LEPR: variants seen among roughly 807,000 people sequenced by gnomAD.
LEPR encodes the protein OB receptor.
In LEPR, 56 loss-of-function variants were observed where a neutral mutation model predicts 114.7. The ratio of observed to expected loss-of-function variants is 0.49; its 90% CI spans 0.39 to 0.61. LEPR has a LOEUF of 0.61. Among genes scored for constraint, LEPR ranks in the 20% least tolerant of loss-of-function variants. The pLI, the probability that LEPR is intolerant of heterozygous loss-of-function variation, is 0.00. For missense variants in LEPR, 1,202 were observed against 1,352.9 expected (o/e 0.89, Z 1.75); for synonymous variants, 443 against 461.4 (o/e 0.96, Z 0.51).
intron 2 of LEPR, chr1:65,525,524 G>T (rs1160172103): frequency 4.5e-6 from 3 of 660,130 alleles, no homozygotes; most frequent in Admixed American, 6.3e-5. Context: ...CGCCCTAGCC[G>T]CTCGAGTCCG....
intron 2 of LEPR, among the ~76,000 whole-genome samples, chr1:65,490,587 T>C (rs1400972037): frequency 6.6e-6 from 1 of 152,182 alleles, no homozygotes; most frequent in Non-Finnish European, 1.5e-5. Flanking sequence ...ATCTGGGCTG[T>C]TGTAAGAATG....
chr1:65,439,330 A>G (rs577092103), intron 2 of LEPR, among the ~76,000 whole-genome samples: 124 of 152,322 alleles, frequency 8.1e-4, no homozygotes, highest in Middle Eastern at 3.4e-3. Flanking sequence ...GAGAAAGGAC[A>G]CCCATATAAA....
chr1:65,439,840 A>AG (rs1242553479), intron 2 of LEPR, among the ~76,000 whole-genome samples: 1 of 149,854 alleles, frequency 6.7e-6, no homozygotes, highest in Non-Finnish European at 1.5e-5. Context: ...AAAAAAAAAA[A>AG]AAAAAAAAGC....
Position 65,618,142 on chromosome 1 carries a change from C to T in LEPR, c.2391C>T (p.Ile797=), listed in dbSNP as rs919896882. 3 of 1,603,902 alleles carry T rather than the reference C, an allele frequency of 1.9e-6. No individual in the cohort carries two copies. In the African/African-American group the frequency reaches 4.0e-5, roughly 21 times the overall value. Residue 797 remains isoleucine (I), a synonymous_variant, in exon 16 of 20, where the codon ATC becomes ATT. Transcript: ENST00000349533. ...RISSSVKKYY[I]HDHFIPIEKY... Reference sequence around the variant, plus strand: ...CTTCATCTGTTAAGAAGTATTATATCCATGGTAAGTTTACTATACTTTAGT... The same window carrying T: ...CTTCATCTGTTAAGAAGTATTATATTCATGGTAAGTTTACTATACTTTAGT...
chr1:65,598,841 A>T (rs747564698), intron 8 of LEPR, 37 bp downstream of exon 8: 1 of 1,612,432 alleles, frequency 6.2e-7, no homozygotes, highest in Non-Finnish European at 8.5e-7. Flanking sequence ...TGGGAGGGAA[A>T]TATATTTCCT....
At chr1:65,629,952 A>T (rs528723164) in intron 19 of LEPR, among the ~76,000 whole-genome samples, 1 of 152,128 alleles carries the variant, frequency 6.6e-6, no homozygotes, top group East Asian at 1.9e-4. Context: ...CATCTTTCTT[A>T]ACTACACCCT....
At chr1:65,424,456 A>G (rs751650921) in intron 1 of LEPR, among the ~76,000 whole-genome samples, 2 of 152,214 alleles carry the variant, frequency 1.3e-5, no homozygotes, top group Non-Finnish European at 2.9e-5. Context: ...ATGTGGACCA[A>G]CTGGCTGCCC....
At chr1:65,488,935 G>T (rs1369258838) in intron 2 of LEPR, among the ~76,000 whole-genome samples, 2 of 152,056 alleles carry the variant, frequency 1.3e-5, no homozygotes, top group African/African-American at 4.8e-5. Flanking sequence ...CTATGTTGTT[G>T]CAAATGACAG....
chr1:65,606,543 T>C lies in LEPR; in HGVS notation c.1603+1306T>C, dbSNP rs567013646. 5.2e-4 allele frequency among the ~76,000 whole-genome samples: 79 copies of C among 152,296 alleles called. 2 individuals are homozygous for C. In the South Asian group the frequency reaches 8.7e-3, roughly 17 times the overall value. ...ACACAGGCACTATGTGTCTGTTTTG[T>C]CATCCATAAAATGTAGACAGCTCCT... On this transcript the variant is annotated intron_variant, in intron 11 of 19. Coordinates refer to ENST00000349533, the MANE Select transcript of LEPR (RefSeq NM_002303.6).
intron 2 of LEPR, among the ~76,000 whole-genome samples, chr1:65,509,382 C>T (rs1009455137): frequency 7.2e-5 from 11 of 152,120 alleles, no homozygotes; most frequent in East Asian, 1.9e-4. Context: ...ATTTGTTGAG[C>T]GTTTTTATCA....
chr1:65,535,582 C>T (rs1002610315), intron 2 of LEPR, among the ~76,000 whole-genome samples: 2 of 151,926 alleles, frequency 1.3e-5, no homozygotes, highest in African/African-American at 2.4e-5. Flanking sequence ...AACTCCTGAA[C>T]TCAAGTGATC....
chr1:65,539,829 G>A (rs1379853294), intron 2 of LEPR, among the ~76,000 whole-genome samples: 1 of 152,140 alleles, frequency 6.6e-6, no homozygotes, highest in Non-Finnish European at 1.5e-5. Flanking sequence ...GAGGTAGTAG[G>A]CATTGAGGTT....
At chr1:65,549,809 A>C (rs1451769610) in intron 2 of LEPR, among the ~76,000 whole-genome samples, 1 of 151,960 alleles carries the variant, frequency 6.6e-6, no homozygotes, top group Non-Finnish European at 1.5e-5. Flanking sequence ...TTCTTCTCTC[A>C]CCTCGTCAAA....
chr1:65,549,150 G>C (rs1557655301), intron 2 of LEPR, among the ~76,000 whole-genome samples: 1 of 151,436 alleles, frequency 6.6e-6, no homozygotes, highest in African/African-American at 2.5e-5. Context: ...ACTCTCTTCT[G>C]GCTTGTAGAG....
intron 2 of LEPR, among the ~76,000 whole-genome samples, chr1:65,541,087 T>A (rs577019767): frequency 1.6e-4 from 25 of 152,230 alleles, no homozygotes; most frequent in Admixed American, 9.2e-4. Context: ...GGTTCCAGAG[T>A]GCTGGGATTA....
At chr1:65,454,296 T>C (rs1646834978) in intron 2 of LEPR, among the ~76,000 whole-genome samples, 1 of 152,158 alleles carries the variant, frequency 6.6e-6, no homozygotes, top group South Asian at 2.1e-4. Context: ...AAAGTTAATA[T>C]TGTTATGTGT....
Position 65,598,912 on chromosome 1 carries a change from A to G in LEPR, c.994+108A>G, listed in dbSNP as rs1656258722. On this transcript the variant is annotated intron_variant, in intron 8 of 19. Transcript: ENST00000349533. ...TTGAGGCCTTAAAATGAAAGGAGGA[A>G]CACAGTATCAACTTCCTTGTTTAAA... 2.0e-6 allele frequency: 3 copies of G among 1,509,288 alleles called. No individual in the cohort carries two copies. In the Admixed American group the frequency reaches 5.7e-5, roughly 28 times the overall value. 93.5% of individuals were successfully genotyped at this position (1,509,288 alleles called of 1,614,324 possible). A position where few individuals can be genotyped will look rare whatever the true frequency, so the allele number is the denominator to read the frequency against.
chr1:65,528,346 G>A (rs2100605863), intron 2 of LEPR, among the ~76,000 whole-genome samples: 1 of 152,194 alleles, frequency 6.6e-6, no homozygotes, highest in Non-Finnish European at 1.5e-5. Context: ...TTAGAAAGTT[G>A]CAAATGTTCA....
intron 2 of LEPR, among the ~76,000 whole-genome samples, chr1:65,465,473 A>T (rs964951862): frequency 2.1e-4 from 32 of 152,104 alleles, no homozygotes; most frequent in Non-Finnish European, 4.4e-4. Flanking sequence ...AATAAGTGTG[A>T]TGTGGTGCTG....
Sources: gnomAD v4.1 joint callset for allele counts (sites outside exome capture counted in the v4.1 genomes callset) on GRCh38, gnomAD v4.1.1 for gene constraint, MANE v1.5 for transcripts, NCBI Gene and HGNC (gene_info 2026-07-23, HGNC 2026-07-21) for gene names.